Variants in SORCS3 observed in about 807,000 individuals in gnomAD.
The protein encoded by SORCS3 is sortilin related VPS10 domain containing receptor 3, also known as VPS10 domain-containing receptor SorCS3.
A neutral mutation model predicts 146.3 loss-of-function variants in SORCS3; 57 were observed. The ratio of observed to expected loss-of-function variants is 0.39; its 90% confidence interval spans 0.31 to 0.49. The LOEUF is 0.49. Among genes scored for constraint, SORCS3 ranks in the 20% least tolerant of loss-of-function variants. The pLI is 0.92. For missense variants in SORCS3, 1,341 were observed against 1,575.5 expected, an observed-to-expected ratio of 0.85 and a Z score of 2.52; for synonymous variants, 653 against 618.5, an observed-to-expected ratio of 1.06 and a Z score of -0.83.
In SORCS3 at chr10:105,262,863, C is replaced by T. The variant is rs114700963; in HGVS notation, c.3604+372C>T. On this transcript the variant is annotated intron_variant, in intron 26 of 26. Transcript: ENST00000369701. ...GATCCATTTTTCTTGCTCTGCTAAT[C>T]TACTACATCTGTGACCTCTCTGTGC... 2.2e-3 allele frequency among the ~76,000 whole-genome samples: 342 copies of T among 152,318 alleles called. 3 individuals carry two copies. The highest frequency in any genetic ancestry group is 7.8e-3 in the African/African-American group (325 of 41,570).
chr10:104,643,632 G>C (rs1295651026), intron 1 of SORCS3, among the ~76,000 whole-genome samples: 7 of 152,080 alleles, frequency 4.6e-5, no homozygotes. Context: ...GTGCTGGGGG[G>C]AGATTCTCTG....
intron 3 of SORCS3, among the ~76,000 whole-genome samples, chr10:104,917,019 C>T (rs2019036862): frequency 6.6e-6 from 1 of 152,178 alleles, no homozygotes; most frequent in Admixed American, 6.5e-5. Context: ...CTCCTCACCT[C>T]CACCTCTAGT....
chr10:105,064,513 C>A (rs1386611408), intron 5 of SORCS3, among the ~76,000 whole-genome samples: 4 of 152,192 alleles, frequency 2.6e-5, no homozygotes, highest in Admixed American at 2.6e-4. Flanking sequence ...GCTGGCATGG[C>A]TCAGTCCAAG....
intron 4 of SORCS3, among the ~76,000 whole-genome samples, chr10:105,041,481 C>G (rs979651698): frequency 1.3e-5 from 2 of 148,160 alleles, no homozygotes; most frequent in African/African-American, 4.9e-5. Flanking sequence ...ACATATATAA[C>G]TATATATACA....
At chr10:105,258,177 C>T (rs374049943) in intron 25 of SORCS3, among the ~76,000 whole-genome samples, 30 of 152,304 alleles carry the variant, frequency 2.0e-4, no homozygotes, top group African/African-American at 5.8e-4. Context: ...ACACCCTCCA[C>T]GCTCTCTAGA....
chr10:104,788,917 A>G (rs2017466851), intron 1 of SORCS3, among the ~76,000 whole-genome samples: 2 of 152,202 alleles, frequency 1.3e-5, no homozygotes, highest in African/African-American at 4.8e-5. Flanking sequence ...CATAAATTGC[A>G]TTTACACCAC....
chr10:105,061,517 G>A (rs927268015), intron 5 of SORCS3, among the ~76,000 whole-genome samples: 17 of 151,746 alleles, frequency 1.1e-4, no homozygotes, highest in East Asian at 9.7e-4. Flanking sequence ...GGATGCTCTC[G>A]ATCTCCTGAC....
rs940598745 is a variant in SORCS3 at position 104,836,680 on chromosome 10, A to C, written c.628-6112A>C. Among the ~76,000 whole-genome samples, 3 of 152,124 alleles carry C rather than the reference A, an allele frequency of 2.0e-5. No homozygotes were observed. The South Asian group carries it at 6.2e-4, about 32-fold the overall frequency. On this transcript the variant is annotated intron_variant, in intron 1 of 26. Coordinates refer to ENST00000369701, the MANE Select transcript of SORCS3 (RefSeq NM_014978.3). ...AATCATTACTGACTACACCAAGTGC[A>C]ATCCCACTCTCCTTCTTGCACCCTT...
chr10:105,138,897 TG>T (rs2056076203), intron 7 of SORCS3, among the ~76,000 whole-genome samples: 1 of 152,174 alleles, frequency 6.6e-6, no homozygotes, highest in Admixed American at 6.5e-5. Flanking sequence ...TTTGTAAATA[TG>T]AAGGAAAGAA....
chr10:104,964,924 T>A (rs1358673922), intron 3 of SORCS3, among the ~76,000 whole-genome samples: 2 of 152,182 alleles, frequency 1.3e-5, no homozygotes, highest in African/African-American at 4.8e-5. Context: ...GTCATTATGA[T>A]TTTGACTACC....
At chr10:105,239,330 T>C (rs888836563) in intron 20 of SORCS3, among the ~76,000 whole-genome samples, 2 of 152,160 alleles carry the variant, frequency 1.3e-5, no homozygotes, top group African/African-American at 4.8e-5. Flanking sequence ...GTCTGTCCAA[T>C]TTGGGACTGG....
At chr10:105,130,150 A>G (rs1384264420) in intron 7 of SORCS3, among the ~76,000 whole-genome samples, 2 of 123,920 alleles carry the variant, frequency 1.6e-5, no homozygotes, top group Non-Finnish European at 3.6e-5. Context: ...TTCTCAGTTG[A>G]TAGTACTAAT....
Position 105,262,315 on chromosome 10 carries a change from C to T in SORCS3, c.3444-16C>T, listed in dbSNP as rs1311128690. ...ACCCTGTGATCTTAACCTGATTTTG[C>T]TCCTGTCCCATGTAGGAAAATCCCT... is the stretch of plus-strand genomic sequence containing the variant. On this transcript the variant is annotated splice_polypyrimidine_tract_variant and intron_variant, in intron 25 of 26. Transcript: ENST00000369701. The T allele has an allele frequency of 1.9e-6, 3 of 1,610,294 alleles. No homozygotes were observed. Among genetic ancestry groups the T allele is most frequent in the Non-Finnish European group, 1.7e-6 (2 of 1,177,148 alleles).
At chr10:104,907,384 A>G (rs544626984) in intron 2 of SORCS3, among the ~76,000 whole-genome samples, 1 of 152,090 alleles carries the variant, frequency 6.6e-6, no homozygotes, top group Admixed American at 6.6e-5. Flanking sequence ...TCACCATCCT[A>G]TTTTCTGAAC....
chr10:105,116,217 CTA>C (rs2133761441), intron 7 of SORCS3, among the ~76,000 whole-genome samples: 1 of 152,296 alleles, frequency 6.6e-6, no homozygotes, highest in African/African-American at 2.4e-5. Flanking sequence ...ATCCTTCCAG[CTA>C]TGTTTGCCTC....
intron 1 of SORCS3, among the ~76,000 whole-genome samples, chr10:104,720,867 T>C (rs576425650): frequency 6.6e-6 from 1 of 152,360 alleles, no homozygotes; most frequent in South Asian, 2.1e-4. Flanking sequence ...TTGTAGATTC[T>C]GGATATTAGC....
At chr10:104,880,226 G>C (rs1288873862) in intron 2 of SORCS3, among the ~76,000 whole-genome samples, 1 of 152,118 alleles carries the variant, frequency 6.6e-6, no homozygotes, top group Non-Finnish European at 1.5e-5. Flanking sequence ...AATGAGAATT[G>C]TAAAAGACCT....
chr10:104,991,017 C>T (rs2054990563), intron 4 of SORCS3, among the ~76,000 whole-genome samples: 1 of 152,148 alleles, frequency 6.6e-6, no homozygotes, highest in South Asian at 2.1e-4. Flanking sequence ...CTTCACTGGA[C>T]CTCCTGTCCC....
At chr10:105,095,520 A>G (rs58703682) in intron 6 of SORCS3, among the ~76,000 whole-genome samples, 16,017 of 151,776 alleles carry the variant, frequency 0.11, 964 homozygotes, top group East Asian at 0.17. Context: ...TGCCTGCACT[A>G]TCTGCCCAGG....
Sources: allele counts gnomAD v4.1 joint callset (sites outside exome capture counted in the v4.1 genomes callset), GRCh38; gene constraint gnomAD v4.1.1; transcripts MANE v1.5; gene names NCBI Gene and HGNC (gene_info 2026-07-23, HGNC 2026-07-21).